HTR4: variants seen among roughly 807,000 people sequenced by gnomAD.
The protein encoded by HTR4 is 5-hydroxytryptamine (serotonin) receptor 4, G protein-coupled.
In HTR4, 16 loss-of-function variants were observed where a neutral mutation model predicts 36.8. The observed-to-expected ratio is 0.43, with a 90% CI of 0.29 to 0.66. The LOEUF is 0.66. Among genes scored for constraint, HTR4 ranks in the 30% least tolerant of loss-of-function variants. The pLI, the probability that HTR4 is intolerant of heterozygous loss-of-function variation, is 0.13. For synonymous variants in HTR4, 189 were observed against 185.1 expected (o/e 1.02, Z -0.17); for missense variants, 438 against 490.9 (o/e 0.89, Z 1.02).
intron 1 of HTR4, among the ~76,000 whole-genome samples, chr5:148,648,721 G>A (rs532898008): frequency 1.3e-5 from 2 of 151,998 alleles, no homozygotes; most frequent in South Asian, 4.1e-4. Context: ...TGAGCCCGTG[G>A]CAACTATGCT....
At chr5:148,583,648 CATT>C (rs777778971) in intron 2 of HTR4, among the ~76,000 whole-genome samples, 15 of 142,100 alleles carry the variant, frequency 1.1e-4, no homozygotes, top group South Asian at 2.2e-4. Flanking sequence ...TCATCATCAT[CATT>C]ATTATCATCA....
intron 2 of HTR4, among the ~76,000 whole-genome samples, chr5:148,598,326 C>T (rs905645782): frequency 6.6e-6 from 1 of 152,126 alleles, no homozygotes; most frequent in Non-Finnish European, 1.5e-5. Context: ...AGGCAGATCA[C>T]CTGAGGTCAG....
At chr5:148,564,850 G>A (rs548271131) in intron 2 of HTR4, among the ~76,000 whole-genome samples, 29 of 152,226 alleles carry the variant, frequency 1.9e-4, no homozygotes, top group Non-Finnish European at 4.0e-4. Context: ...GGTGGCTCAC[G>A]CCTGTAATCC....
intron 2 of HTR4, among the ~76,000 whole-genome samples, chr5:148,556,225 T>C (rs1318460559): frequency 6.6e-6 from 1 of 152,178 alleles, no homozygotes; most frequent in Non-Finnish European, 1.5e-5. Context: ...GGTTTCGCCA[T>C]GTGGGTCAGG....
At chr5:148,601,976 G>A (rs745972585) in intron 2 of HTR4, among the ~76,000 whole-genome samples, 1 of 152,008 alleles carries the variant, frequency 6.6e-6, no homozygotes, top group Non-Finnish European at 1.5e-5. Context: ...AGAAGCTGGG[G>A]GTTGGAAAGA....
At chr5:148,511,152 C>T (rs1208168345) in intron 5 of HTR4, among the ~76,000 whole-genome samples, 1 of 152,146 alleles carries the variant, frequency 6.6e-6, no homozygotes. Flanking sequence ...ATAGCTGAAC[C>T]TTCCATCCTT....
intron 6 of HTR4, among the ~76,000 whole-genome samples, chr5:148,502,277 C>A (rs753297046): frequency 6.6e-6 from 1 of 152,170 alleles, no homozygotes; most frequent in Non-Finnish European, 1.5e-5. Flanking sequence ...CTCACACAGC[C>A]AGTTACCTCT....
chr5:148,506,135 T>C (rs1331728013), intron 6 of HTR4, among the ~76,000 whole-genome samples: 1 of 152,158 alleles, frequency 6.6e-6, no homozygotes, highest in Admixed American at 6.5e-5. Flanking sequence ...ACTACAAGGC[T>C]ACAGTCAGCA....
At chr5:148,472,506 T>C (rs999157282), downstream of HTR4, among the ~76,000 whole-genome samples, 7 of 152,158 alleles carry the variant, frequency 4.6e-5, no homozygotes, top group Non-Finnish European at 7.3e-5. Flanking sequence ...GGTGTTGGTA[T>C]TGTTGTTTAG....
intron 6 of HTR4, among the ~76,000 whole-genome samples, chr5:148,496,592 G>A (rs953662436): frequency 6.6e-6 from 1 of 152,178 alleles, no homozygotes; most frequent in Non-Finnish European, 1.5e-5. Flanking sequence ...GGCAGAACGA[G>A]GGTTAGTGAG....
At chr5:148,508,362 A>G (rs1757323125) in intron 6 of HTR4, among the ~76,000 whole-genome samples, 1 of 152,214 alleles carries the variant, frequency 6.6e-6, no homozygotes, top group Admixed American at 6.5e-5. Context: ...GCTGAGAACA[A>G]TTCTAGCCCA....
Position 148,523,204 on chromosome 5 carries a change from T to C in HTR4, c.496A>G (p.Ile166Val). 6.2e-7 allele frequency: 1 copy of C among 1,613,576 alleles called. No individual in the cohort carries two copies. Among genetic ancestry groups the C allele is most frequent in the Non-Finnish European group, 8.5e-7 (1 of 1,179,726 alleles). Residue 166 changes from isoleucine (I) to valine (V), a missense_variant, in exon 5 of 7, where the codon ATA becomes GTA. Coordinates refer to ENST00000377888, the MANE Select transcript of HTR4 (RefSeq NM_000870.7). Reference sequence around the variant, plus strand: ...GTGTGGATACTCACCAAATCAATTATGCCAATGTTATTCCAGCCTTGCATT... The same window carrying C: ...GTGTGGATACTCACCAAATCAATTACGCCAATGTTATTCCAGCCTTGCATT... ...PIMQGWNNIG[I>V]IDLIEKRKFN...
chr5:148,512,573 G>A (rs974104159), intron 5 of HTR4, among the ~76,000 whole-genome samples: 1 of 152,138 alleles, frequency 6.6e-6, no homozygotes, highest in Non-Finnish European at 1.5e-5. Flanking sequence ...AAGAAGCTCT[G>A]AAAGAACCTA....
chr5:148,571,795 T>A (rs1206549772), intron 2 of HTR4, among the ~76,000 whole-genome samples: 1 of 152,032 alleles, frequency 6.6e-6, no homozygotes, highest in Non-Finnish European at 1.5e-5. Flanking sequence ...GGGGCAGAGG[T>A]GGCACACTAG....
At chr5:148,465,777 C>CT (rs1354021528) in intron 5 of HTR4, 27 of 1,556,498 alleles carry the variant, frequency 1.7e-5, no homozygotes, top group Non-Finnish European at 2.3e-5. Context: ...TAAACAGACA[C>CT]TTAAGGATAT....
chr5:148,624,643 C>CTT (rs1273146020), intron 2 of HTR4, among the ~76,000 whole-genome samples: 1 of 152,142 alleles, frequency 6.6e-6, no homozygotes, highest in Non-Finnish European at 1.5e-5. Flanking sequence ...AAATAGAGAA[C>CTT]TTGTGTTCTT....
At chr5:148,628,167 A>G (rs1753189824) in intron 2 of HTR4, among the ~76,000 whole-genome samples, 1 of 152,244 alleles carries the variant, frequency 6.6e-6, no homozygotes, top group South Asian at 2.1e-4. Context: ...CCAAGTCTAA[A>G]ATATCAAATG....
chr5:148,568,135 G>A (rs1001313366), intron 2 of HTR4, among the ~76,000 whole-genome samples: 4 of 152,038 alleles, frequency 2.6e-5, no homozygotes, highest in Admixed American at 6.6e-5. Flanking sequence ...TCCTCAAGAC[G>A]TTATATATGT....
intron 5 of HTR4, among the ~76,000 whole-genome samples, chr5:148,469,953 A>G (rs531694815): frequency 6.6e-6 from 1 of 152,194 alleles, no homozygotes; most frequent in African/African-American, 2.4e-5. Flanking sequence ...TTTCTCATGT[A>G]TCAGAGGGAG....
Sources: allele counts gnomAD v4.1 joint callset (sites outside exome capture counted in the v4.1 genomes callset), GRCh38; gene constraint gnomAD v4.1.1; transcripts MANE v1.5; gene names NCBI Gene and HGNC (gene_info 2026-07-23, HGNC 2026-07-21).